COL4A4: variants seen among roughly 807,000 people sequenced by gnomAD.
The protein encoded by COL4A4 is collagen alpha-4(IV) chain.
Under a neutral mutation model 192.9 loss-of-function variants are expected in COL4A4, and 105 were observed. The observed-to-expected ratio is 0.54, with a 90% CI of 0.46 to 0.64. COL4A4 has a LOEUF of 0.64. COL4A4 is among the 30% of genes least tolerant of loss of function. COL4A4 has a pLI of 0.00. For synonymous variants in COL4A4, 762 were observed against 769.9 expected, an observed-to-expected ratio of 0.99 and a Z score of 0.17; for missense variants, 1,967 against 2,169.3, an observed-to-expected ratio of 0.91 and a Z score of 1.85.
At chr2:226,972,929 C>CAAA in the COL4A4 span, among the ~76,000 whole-genome samples, 32 of 127,022 alleles carry the variant, frequency 2.5e-4, no homozygotes, top group South Asian at 7.3e-4. Context: ...AAGCCTGTAG[C>CAAA]AAAAAAAAAA....
chr2:227,066,920 G>A (rs1016274960), intron 25 of COL4A4, among the ~76,000 whole-genome samples: 6 of 150,180 alleles, frequency 4.0e-5, no homozygotes, highest in African/African-American at 1.5e-4. Flanking sequence ...ACACAGACTG[G>A]CAAATTGGAT....
At chr2:227,093,034 T>C (rs987981112) in intron 20 of COL4A4, among the ~76,000 whole-genome samples, 4 of 152,148 alleles carry the variant, frequency 2.6e-5, no homozygotes, top group African/African-American at 9.7e-5. Context: ...ATTTGAGTTA[T>C]CCATACCATG....
At chr2:227,103,403 C>A (rs1279014813) in intron 13 of COL4A4, among the ~76,000 whole-genome samples, 1 of 152,086 alleles carries the variant, frequency 6.6e-6, no homozygotes, top group African/African-American at 2.4e-5. Flanking sequence ...ATATGGGATA[C>A]CACAGTGGAC....
At chr2:226,995,298 C>G in the COL4A4 span, 1 of 656,416 alleles carries the variant, frequency 1.5e-6, no homozygotes, top group Non-Finnish European at 2.7e-6. Context: ...GTTGAAAAAT[C>G]TTTGTTATAT....
Position 227,006,460 on chromosome 2 carries a change from T to C in COL4A4, c.*865A>G, listed in dbSNP as rs2149707435. Reference sequence around the variant, plus strand: ...CCCGACTGGGGAAAAGCAGTCTGTCTGGAAGTTCACTGCAATGGGGAGTCA... The same window carrying C: ...CCCGACTGGGGAAAAGCAGTCTGTCCGGAAGTTCACTGCAATGGGGAGTCA... On this transcript the variant is annotated 3_prime_UTR_variant, in exon 48 of 48. Transcript: ENST00000396625. 1 of 152,750 alleles carries C rather than the reference T, an allele frequency of 6.5e-6. No homozygotes were observed. The highest frequency in any genetic ancestry group is 1.9e-4 in the East Asian group (1 of 5,190). 9.5% of individuals were successfully genotyped at this position (152,750 alleles called of 1,614,324 possible). A position where few individuals can be genotyped will look rare whatever the true frequency, so the allele number is the denominator to read the frequency against.
At chr2:227,137,837 C>G (rs1452837165) in intron 4 of COL4A4, among the ~76,000 whole-genome samples, 5 of 152,114 alleles carry the variant, frequency 3.3e-5, no homozygotes, top group African/African-American at 1.2e-4. Flanking sequence ...AATTTAGAGG[C>G]ACTGAGGTTT....
At chr2:227,031,677 G>A (rs879706784) in intron 40 of COL4A4, among the ~76,000 whole-genome samples, 1 of 152,108 alleles carries the variant, frequency 6.6e-6, no homozygotes. Context: ...GATAAGAAAC[G>A]CTTGCTTATC....
intron 45 of COL4A4, among the ~76,000 whole-genome samples, chr2:227,011,081 T>TA (rs1416710455): frequency 6.6e-6 from 1 of 152,216 alleles, no homozygotes; most frequent in Admixed American, 6.5e-5. Flanking sequence ...GGCCTTGTTC[T>TA]AGCATTCTTG....
chr2:227,001,100 C>CTTTT (rs1193019703), downstream of COL4A4, among the ~76,000 whole-genome samples: 1 of 144,310 alleles, frequency 6.9e-6, no homozygotes, highest in Non-Finnish European at 1.5e-5. Flanking sequence ...TTTCTTTTTT[C>CTTTT]TTTTTTTTTT....
intron 4 of COL4A4, among the ~76,000 whole-genome samples, chr2:227,134,336 A>G (rs1023416857): frequency 2.6e-5 from 4 of 152,206 alleles, no homozygotes; most frequent in African/African-American, 9.7e-5. Flanking sequence ...GAGTTCTTGG[A>G]GGAGGAAGAT....
chr2:227,135,785 G>A (rs896969180), intron 4 of COL4A4, among the ~76,000 whole-genome samples: 3 of 152,182 alleles, frequency 2.0e-5, no homozygotes, highest in Non-Finnish European at 4.4e-5. Context: ...TGGGATTACA[G>A]GCGCCCGCCA....
chr2:227,098,672 G>A (rs1456628652), intron 19 of COL4A4, 22 bp downstream of exon 19: 1 of 1,589,820 alleles, frequency 6.3e-7, no homozygotes, highest in Non-Finnish European at 8.6e-7. Flanking sequence ...GTAAAAGCCA[G>A]GGCACATCAG....
intron 25 of COL4A4, among the ~76,000 whole-genome samples, chr2:227,074,535 G>A (rs916634897): frequency 1.3e-5 from 2 of 152,120 alleles, no homozygotes; most frequent in Non-Finnish European, 2.9e-5. Context: ...ATGCGACCCA[G>A]CAATCCCACT....
intron 35 of COL4A4, among the ~76,000 whole-genome samples, chr2:227,044,315 G>A (rs1031668355): frequency 4.6e-5 from 7 of 152,096 alleles, no homozygotes; most frequent in Admixed American, 6.6e-5. Flanking sequence ...CTATTTCCCC[G>A]TGTGTTTATT....
chr2:227,041,846 A>AAAAGAGAGAG (rs1971275697), intron 37 of COL4A4, among the ~76,000 whole-genome samples: 26 of 39,306 alleles, frequency 6.6e-4, no homozygotes, highest in Non-Finnish European at 9.8e-4. Flanking sequence ...GAAAGAAAGA[A>AAAAGAGAGAG]AGAGAAAGAA....
intron 41 of COL4A4, among the ~76,000 whole-genome samples, chr2:227,028,644 T>TTTATTA (rs56914189): frequency 0.056 from 7,982 of 141,810 alleles, 370 homozygotes; most frequent in African/African-American, 0.13. Flanking sequence ...ATAAAAGAAA[T>TTTATTA]TTATTATTAT....
chr2:226,974,203 G>T, the COL4A4 span, among the ~76,000 whole-genome samples: 2 of 151,616 alleles, frequency 1.3e-5, no homozygotes, highest in Admixed American at 1.3e-4. Flanking sequence ...TGAGCCCAGA[G>T]TGTTGTATGG....
intron 28 of COL4A4, 25 bp downstream of exon 28, chr2:227,059,380 C>T: frequency 6.2e-7 from 1 of 1,602,494 alleles, no homozygotes. Flanking sequence ...CTCTATGCAC[C>T]AAAAGGACAG....
chr2:227,119,382 A>G (rs2061656532), intron 6 of COL4A4, among the ~76,000 whole-genome samples: 3 of 150,862 alleles, frequency 2.0e-5, no homozygotes, highest in African/African-American at 7.3e-5. Context: ...ACATATATAT[A>G]TCTTGCACCA....
Sources: gnomAD v4.1 joint callset for allele counts (sites outside exome capture counted in the v4.1 genomes callset) on GRCh38, gnomAD v4.1.1 for gene constraint, MANE v1.5 for transcripts, NCBI Gene and HGNC (gene_info 2026-07-23, HGNC 2026-07-21) for gene names.